Variants in RPS6KC1 observed in about 807,000 individuals in gnomAD.
The protein encoded by RPS6KC1 is inactive ribosomal protein S6 kinase delta-1.
Under a neutral mutation model 103.8 loss-of-function variants are expected in RPS6KC1, and 54 were observed. The observed-to-expected ratio is 0.52, with a 90% CI of 0.42 to 0.65. The LOEUF (loss-of-function observed/expected upper bound fraction) is 0.65, where lower values mean the gene tolerates loss of function less well. Ranked by LOEUF, RPS6KC1 falls within the 30% of genes least tolerant of loss-of-function variation. The pLI, the probability that RPS6KC1 is intolerant of heterozygous loss-of-function variation, is 0.00. For missense variants in RPS6KC1, 1,151 were observed against 1,253.8 expected, an observed-to-expected ratio of 0.92 and a Z score of 1.24; for synonymous variants, 439 against 438.7, an observed-to-expected ratio of 1.00 and a Z score of -0.01.
the RPS6KC1 span, among the ~76,000 whole-genome samples, chr1:213,513,222 G>A: frequency 6.6e-6 from 1 of 152,124 alleles, no homozygotes; most frequent in Non-Finnish European, 1.5e-5. Flanking sequence ...ACCTCTAGAA[G>A]TGGGGAAGAG....
rs745924670 is a variant in RPS6KC1 at position 213,242,071 on chromosome 1, C to G, written c.2595C>G (p.Asp865Glu). ...AACCAACTTCTTTATTCCAGAGAGA[C>G]TCTGAGACTAAGGGTGAAAGTGGTT... ...KEEPTSLFQR[D>E]SETKGESGLV... The change falls in exon 11 of 15, where the codon GAC (aspartate) becomes GAG (glutamate). Residue 865 changes from aspartate to glutamate, a missense_variant. Physicochemically the swap from Asp to Glu is conservative, Grantham distance 45 (BLOSUM62 2). Transcript: ENST00000366960. 1.9e-6 allele frequency: 3 copies of G among 1,613,998 alleles called. No homozygotes were observed. Among genetic ancestry groups the G allele is most frequent in the Admixed American group, 1.7e-5 (1 of 59,962 alleles).
At chr1:213,597,008 G>C in the RPS6KC1 span, among the ~76,000 whole-genome samples, 1 of 152,220 alleles carries the variant, frequency 6.6e-6, no homozygotes, top group Admixed American at 6.5e-5. Context: ...TGTCAGCATA[G>C]ACAGTTCAAA....
intron 3 of RPS6KC1, among the ~76,000 whole-genome samples, chr1:213,089,963 A>G (rs919277562): frequency 2.0e-5 from 3 of 152,352 alleles, no homozygotes; most frequent in East Asian, 3.9e-4. Context: ...CAGTCCAGCT[A>G]TCAATTATCT....
intron 1 of RPS6KC1, among the ~76,000 whole-genome samples, chr1:213,056,913 T>C (rs1252063876): frequency 1.3e-5 from 2 of 149,554 alleles, no homozygotes; most frequent in Non-Finnish European, 3.0e-5. Flanking sequence ...TCCGTTATCA[T>C]AATGTACTTG....
At chr1:213,626,659 G>C in the RPS6KC1 span, among the ~76,000 whole-genome samples, 9 of 152,178 alleles carry the variant, frequency 5.9e-5, no homozygotes, top group South Asian at 2.1e-4. Context: ...AGCCAGTTTT[G>C]CCAGCATCAT....
At chr1:213,669,832 C>T in the RPS6KC1 span, among the ~76,000 whole-genome samples, 1 of 152,192 alleles carries the variant, frequency 6.6e-6, no homozygotes, top group Non-Finnish European at 1.5e-5. Context: ...GAATTCAATT[C>T]TTCTAACTCC....
At chr1:213,675,647 C>A in the RPS6KC1 span, among the ~76,000 whole-genome samples, 1 of 152,128 alleles carries the variant, frequency 6.6e-6, no homozygotes, top group Non-Finnish European at 1.5e-5. Flanking sequence ...GAGGCTGAGG[C>A]AGGAAGATCA....
intron 3 of RPS6KC1, among the ~76,000 whole-genome samples, chr1:213,098,540 ATTG>A (rs2081695347): frequency 6.6e-6 from 1 of 152,062 alleles, no homozygotes; most frequent in African/African-American, 2.4e-5. Context: ...TACTTTCAAT[ATTG>A]TTGTGTCTCA....
At chr1:213,722,150 C>G in the RPS6KC1 span, among the ~76,000 whole-genome samples, 2 of 152,238 alleles carry the variant, frequency 1.3e-5, no homozygotes, top group East Asian at 1.9e-4. Context: ...GTGGTACCCT[C>G]TAACTCACCA....
the RPS6KC1 span, among the ~76,000 whole-genome samples, chr1:213,610,446 G>A: frequency 3.0e-4 from 45 of 152,250 alleles, no homozygotes; most frequent in East Asian, 3.3e-3. Context: ...GAAACGAGTC[G>A]TCTGTTTGCA....
chr1:213,757,532 G>A, the RPS6KC1 span, among the ~76,000 whole-genome samples: 2 of 152,220 alleles, frequency 1.3e-5, no homozygotes, highest in African/African-American at 4.8e-5. Context: ...AGTTAAAAGC[G>A]AGTAGAGGTT....
chr1:213,425,098 G>A, the RPS6KC1 span, among the ~76,000 whole-genome samples: 1 of 152,036 alleles, frequency 6.6e-6, no homozygotes, highest in Non-Finnish European at 1.5e-5. Flanking sequence ...TCTGAGGATG[G>A]CCGCCCGCTC....
chr1:213,072,916 T>G, intron 2 of RPS6KC1: 1 of 982,034 alleles, frequency 1.0e-6, no homozygotes, highest in Non-Finnish European at 1.2e-6. Context: ...TCTGCCATTT[T>G]CTTAGTCCTT....
At chr1:213,073,955 C>T (rs1267474654) in intron 2 of RPS6KC1, among the ~76,000 whole-genome samples, 6 of 151,938 alleles carry the variant, frequency 3.9e-5, no homozygotes, top group South Asian at 2.1e-4. Flanking sequence ...TGATTACAAG[C>T]GTGAGAAAAA....
intron 8 of RPS6KC1, among the ~76,000 whole-genome samples, chr1:213,185,662 A>G (rs1202591954): frequency 1.3e-5 from 2 of 152,100 alleles, no homozygotes; most frequent in Non-Finnish European, 2.9e-5. Context: ...AAAAAGAAAA[A>G]AAAAATTTAA....
the RPS6KC1 span, among the ~76,000 whole-genome samples, chr1:213,798,776 G>A: frequency 6.6e-6 from 1 of 152,204 alleles, no homozygotes; most frequent in Non-Finnish European, 1.5e-5. Context: ...GGTGAAGCGT[G>A]CCTCACGTGG....
the RPS6KC1 span, among the ~76,000 whole-genome samples, chr1:213,755,557 A>T: frequency 1.3e-5 from 2 of 152,232 alleles, no homozygotes; most frequent in Non-Finnish European, 2.9e-5. Flanking sequence ...AGGTGGCATG[A>T]TCAGGTTGCA....
At chr1:213,560,545 G>T in the RPS6KC1 span, among the ~76,000 whole-genome samples, 1 of 152,166 alleles carries the variant, frequency 6.6e-6, no homozygotes, top group Admixed American at 6.5e-5. Flanking sequence ...ACCTGTGTAA[G>T]TGTGAAAGTA....
the RPS6KC1 span, among the ~76,000 whole-genome samples, chr1:213,685,028 C>G: frequency 6.6e-6 from 1 of 152,124 alleles, no homozygotes; most frequent in East Asian, 1.9e-4. Flanking sequence ...CTAATTCACC[C>G]CACCCTCTCC....
Sources: allele counts gnomAD v4.1 joint callset (sites outside exome capture counted in the v4.1 genomes callset), GRCh38; gene constraint gnomAD v4.1.1; transcripts MANE v1.5; gene names NCBI Gene and HGNC (gene_info 2026-07-23, HGNC 2026-07-21).